CHRNA7: variants seen among roughly 807,000 people sequenced by gnomAD.
CHRNA7 encodes the protein cholinergic receptor nicotinic alpha 7 subunit.
CHRNA7 carries 17 observed loss-of-function variants against 48.0 expected under a neutral mutation model. The observed-to-expected ratio is 0.35, with a 90% CI of 0.24 to 0.53. The LOEUF is 0.53. Among genes scored for constraint, CHRNA7 ranks in the 20% least tolerant of loss-of-function variants. The pLI is 0.92. For missense variants in CHRNA7, 155 were observed against 577.7 expected, an observed-to-expected ratio of 0.27 and a Z score of 7.50; for synonymous variants, 75 against 242.3, an observed-to-expected ratio of 0.31 and a Z score of 6.41.
chr15:32,127,340 G>T (rs952688843), intron 4 of CHRNA7, among the ~76,000 whole-genome samples: 1 of 152,116 alleles, frequency 6.6e-6, no homozygotes, highest in South Asian at 2.1e-4. Flanking sequence ...ACATAAGCAC[G>T]CAATTGTTAG....
At chr15:32,120,808 C>T (rs1290405515) in intron 4 of CHRNA7, among the ~76,000 whole-genome samples, 5 of 152,044 alleles carry the variant, frequency 3.3e-5, no homozygotes, top group Non-Finnish European at 7.4e-5. Flanking sequence ...TGGAGATGAG[C>T]TTATTGATCT....
intron 2 of CHRNA7, among the ~76,000 whole-genome samples, chr15:32,059,085 C>A (rs1374146851): frequency 6.6e-6 from 1 of 151,890 alleles, no homozygotes; most frequent in East Asian, 1.9e-4. Context: ...CTCACTGCAA[C>A]CTCCGCCTCC....
chr15:32,090,370 G>C (rs191383060), intron 2 of CHRNA7, among the ~76,000 whole-genome samples: 8 of 152,274 alleles, frequency 5.3e-5, no homozygotes, highest in Non-Finnish European at 7.4e-5. Flanking sequence ...ACCTGGTGGA[G>C]TTTCTAGACA....
At chr15:32,111,542 T>G (rs1216817384) in intron 3 of CHRNA7, 1 of 393,988 alleles carries the variant, frequency 2.5e-6, no homozygotes, top group African/African-American at 2.1e-5. Context: ...AGGGTTGGAA[T>G]TAACTTTAAT....
At chr15:32,135,287 A>G (rs888445364) in intron 4 of CHRNA7, among the ~76,000 whole-genome samples, 9 of 152,262 alleles carry the variant, frequency 5.9e-5, no homozygotes, top group Admixed American at 4.6e-4. Context: ...TGGCTCACAT[A>G]CAGATATAAA....
intron 4 of CHRNA7, chr15:32,112,290 C>T (rs1436535710): frequency 2.2e-6 from 1 of 461,298 alleles, no homozygotes; most frequent in African/African-American, 2.0e-5. Flanking sequence ...TGCTGGAGCC[C>T]ACAGTTTGGA....
intron 4 of CHRNA7, among the ~76,000 whole-genome samples, chr15:32,140,885 G>C (rs2051366322): frequency 1.3e-5 from 2 of 152,178 alleles, no homozygotes; most frequent in African/African-American, 4.8e-5. Flanking sequence ...TGTTCACTCT[G>C]ATGATGGTTT....
intron 4 of CHRNA7, among the ~76,000 whole-genome samples, chr15:32,123,087 A>ATTT (rs1206906553): frequency 6.6e-6 from 1 of 152,228 alleles, no homozygotes; most frequent in African/African-American, 2.4e-5. Flanking sequence ...AATGAGAAGA[A>ATTT]ACCAAGAAAG....
intron 2 of CHRNA7, among the ~76,000 whole-genome samples, chr15:32,035,469 G>T (rs1902039779): frequency 6.6e-6 from 1 of 152,158 alleles, no homozygotes; most frequent in Non-Finnish European, 1.5e-5. Context: ...GATTTGAAAT[G>T]CAGACTCAGC....
intron 4 of CHRNA7, among the ~76,000 whole-genome samples, chr15:32,125,519 A>G (rs941296048): frequency 8.3e-5 from 12 of 144,258 alleles, no homozygotes; most frequent in African/African-American, 3.2e-4. Flanking sequence ...AGTAGACTCT[A>G]GAGACGCTCC....
intron 4 of CHRNA7, among the ~76,000 whole-genome samples, chr15:32,116,244 T>A (rs2050868434): frequency 6.6e-6 from 1 of 152,244 alleles, no homozygotes; most frequent in Non-Finnish European, 1.5e-5. Flanking sequence ...TTTCTCACTC[T>A]ATTCTCGTTT....
At chr15:32,104,034 G>A (rs1241298308) in intron 3 of CHRNA7, among the ~76,000 whole-genome samples, 1 of 152,096 alleles carries the variant, frequency 6.6e-6, no homozygotes, top group Non-Finnish European at 1.5e-5. Flanking sequence ...CTTCAGTGTT[G>A]CCTCTTCTGG....
chr15:32,062,332 A>G (rs909066776), intron 2 of CHRNA7, among the ~76,000 whole-genome samples: 1 of 152,194 alleles, frequency 6.6e-6, no homozygotes, highest in African/African-American at 2.4e-5. Flanking sequence ...TTAATATATA[A>G]TGTTTATATT....
intron 2 of CHRNA7, among the ~76,000 whole-genome samples, chr15:32,092,415 A>G (rs1237908849): frequency 1.3e-5 from 2 of 152,236 alleles, no homozygotes; most frequent in African/African-American, 4.8e-5. Context: ...GCTACTTTGT[A>G]TATTAGTTGT....
rs2050568958 is a variant in CHRNA7 at position 32,101,351 on chromosome 15, A to G, written c.240+4A>G. The G allele has an allele frequency of 1.3e-6, 2 of 1,591,772 alleles. No individual in the cohort carries two copies. Among genetic ancestry groups the G allele is most frequent in the African/African-American group, 1.4e-5 (1 of 73,014 alleles). ...CACCAACATTTGGCTGCAAATGGTA[A>G]GTTAAGAGAATGACAATCTCTCCCA... On this transcript the variant is annotated splice_donor_region_variant and intron_variant, in intron 3 of 9. Transcript: ENST00000306901.
chr15:32,118,792 T>G (rs950990044), intron 4 of CHRNA7, among the ~76,000 whole-genome samples: 2 of 151,414 alleles, frequency 1.3e-5, no homozygotes, highest in Non-Finnish European at 2.9e-5. Context: ...ATGGGCCAGA[T>G]TGTAGGTGAT....
chr15:32,149,623 C>T lies in CHRNA7; in HGVS notation c.351-4284C>T, dbSNP rs1204945942. Among the ~76,000 whole-genome samples the T allele has an allele frequency of 3.3e-5, 5 of 152,128 alleles. No homozygotes were observed. Among genetic ancestry groups the T allele is most frequent in the South Asian group, 2.1e-4 (1 of 4,828 alleles). ...AATCAATTTGCCTATGGGAAAGAAG[C>T]GTAAAACTACCATCATGGGTATTAA... On this transcript the variant is annotated intron_variant, in intron 4 of 9. Transcript: ENST00000306901. This position sits in a 1 kb window ranked among gnomAD's most constrained non-coding sequence, Gnocchi z 4.6.
intron 2 of CHRNA7, among the ~76,000 whole-genome samples, chr15:32,072,285 G>A (rs1022430557): frequency 6.6e-6 from 1 of 152,208 alleles, no homozygotes; most frequent in African/African-American, 2.4e-5. Flanking sequence ...TTTAAGAGGT[G>A]ACATGGCTGC....
At chr15:32,146,919 C>T (rs775645675) in intron 4 of CHRNA7, among the ~76,000 whole-genome samples, 1 of 152,084 alleles carries the variant, frequency 6.6e-6, no homozygotes, top group Non-Finnish European at 1.5e-5. Context: ...GAAAAAGAAC[C>T]AAGTTGGGGG....
Sources: gnomAD v4.1 joint callset for allele counts (sites outside exome capture counted in the v4.1 genomes callset) on GRCh38, gnomAD v4.1.1 for gene constraint, Gnocchi (gnomAD v3.1) non-coding constraint, MANE v1.5 for transcripts, NCBI Gene and HGNC (gene_info 2026-07-23, HGNC 2026-07-21) for gene names.